Variants in CETP observed in about 807,000 individuals in gnomAD.
The protein encoded by CETP is cholesteryl ester transfer protein, also known as BPI fold containing family F.
A neutral mutation model predicts 66.5 loss-of-function variants in CETP; 56 were observed. The observed-to-expected ratio is 0.84, with a 90% CI of 0.68 to 1.05. The LOEUF (loss-of-function observed/expected upper bound fraction) is 1.05, where lower values mean the gene tolerates loss of function less well. Among genes scored for constraint, CETP ranks in the 50% least tolerant of loss-of-function variants. The pLI is 0.00. For missense variants in CETP, 612 were observed against 609.6 expected (o/e 1.00, Z -0.04); for synonymous variants, 251 against 245.7 (o/e 1.02, Z -0.20).
At chr16:56,980,931 AAG>A (rs2056182731) in intron 11 of CETP, among the ~76,000 whole-genome samples, 1 of 152,232 alleles carries the variant, frequency 6.6e-6, no homozygotes, top group Non-Finnish European at 1.5e-5. Flanking sequence ...AAAACAAAAA[AAG>A]AAAAGAAAAG....
chr16:56,973,377 C>T lies in CETP; in HGVS notation c.797C>T (p.Thr266Ile), dbSNP rs561462414. The change falls in exon 9 of 16, where the codon ACC becomes ATC. Residue 266 changes from threonine (T) to isoleucine (I), a missense_variant. Coordinates refer to ENST00000200676, the MANE Select transcript of CETP (RefSeq NM_000078.3). ...GTCTCAGAGGACCTCCCCCTCCCCA[C>T]CTTCTCGCCCACACTGCTGGGGGAC... ...KNVSEDLPLP[T>I]FSPTLLGDSR... is the part of the protein sequence containing the mutation. 1.2e-6 allele frequency: 2 copies of T among 1,614,228 alleles called. No individual in the cohort carries two copies. The highest frequency in any genetic ancestry group is 2.2e-5 in the East Asian group (1 of 44,884).
Position 56,982,230 on chromosome 16 carries a change from C to A in CETP, c.1314C>A (p.Val438=). 1 of 1,614,046 alleles carries A rather than the reference C, an allele frequency of 6.2e-7. No homozygotes were observed. Among genetic ancestry groups the A allele is most frequent in the Admixed American group, 1.7e-5 (1 of 60,020 alleles). ...SMITAVGIPE[V]MSRLEVVFTA... is the part of the protein sequence containing the mutation. ...TCACCGCTGTGGGCATCCCTGAGGT[C>A]ATGTCTCGTAAGTGTGGGCTGGAGG... Residue 438 remains valine, a synonymous_variant, in exon 14 of 16, where the codon GTC becomes GTA. Transcript: ENST00000200676.
At chr16:56,982,258 A>C (rs2056194246) in intron 14 of CETP, 21 bp downstream of exon 14, 1 of 1,612,056 alleles carries the variant, frequency 6.2e-7, no homozygotes, top group African/African-American at 1.3e-5. Flanking sequence ...GCTGGAGGGG[A>C]AACTGGGTGC....
rs1230953022 is a variant in CETP at position 56,963,028 on chromosome 16, A to G, written c.137A>G (p.Lys46Arg). The G allele has an allele frequency of 1.2e-6, 2 of 1,614,008 alleles. No individual in the cohort carries two copies. Among genetic ancestry groups the G allele is most frequent in the East Asian group, 2.2e-5 (1 of 44,900 alleles). Reference sequence around the variant, plus strand: ...CCTCTAGTGAACCACGAGACTGCCAAGGTGATCCAGACCGCCTTCCAGCGA... The same window carrying G: ...CCTCTAGTGAACCACGAGACTGCCAGGGTGATCCAGACCGCCTTCCAGCGA... ...ALLVLNHETA[K>R]VIQTAFQRAS... Residue 46 changes from lysine to arginine, a missense_variant, in exon 2 of 16, where the codon AAG becomes AGG. By Grantham distance (26) the Lys-to-Arg change is conservative. Transcript: ENST00000200676.
At chr16:56,981,567 T>A (rs2056188215) in intron 12 of CETP, 80 bp from the exon 13 acceptor site, 1 of 1,485,894 alleles carries the variant, frequency 6.7e-7, no homozygotes, top group South Asian at 1.1e-5. Context: ...CTGGCTGCTA[T>A]TCTTAGAGTT....
At chr16:56,964,698 G>A (rs2141992640) in intron 2 of CETP, among the ~76,000 whole-genome samples, 1 of 152,368 alleles carries the variant, frequency 6.6e-6, no homozygotes, top group East Asian at 1.9e-4. Flanking sequence ...ATGTTTCTGA[G>A]CCACCAGGGG....
intron 5 of CETP, 60 bp from the exon 6 acceptor site, chr16:56,970,973 A>G: frequency 6.7e-7 from 1 of 1,501,490 alleles, no homozygotes; most frequent in African/African-American, 1.4e-5. Context: ...GGTACACACT[A>G]GGCGCTCCAT....
intron 12 of CETP, 132 bp from the exon 13 acceptor site, chr16:56,981,515 C>T: frequency 2.6e-6 from 3 of 1,145,196 alleles, no homozygotes; most frequent in Non-Finnish European, 4.0e-6. Flanking sequence ...TAGCAAATCT[C>T]AAGAGAGTGC....
chr16:56,983,632 A>G lies in CETP; in HGVS notation c.1448A>G (p.His483Arg), dbSNP rs780180515. The G allele has an allele frequency of 4.3e-6, 7 of 1,614,030 alleles. No homozygotes were observed. The highest frequency in any genetic ancestry group is 5.9e-6 in the Non-Finnish European group (7 of 1,180,022). ...LLQMDFGFPE[H>R]LLVDFLQSLS ...CAGATGGACTTTGGCTTCCCTGAGC[A>G]CCTGCTGGTGGATTTCCTCCAGAGC... Residue 483 changes from histidine to arginine, a missense_variant, in exon 16 of 16, where the codon CAC (histidine) becomes CGC (arginine). Physicochemically the swap from His to Arg is conservative, Grantham distance 29. Transcript: ENST00000200676.
intron 2 of CETP, among the ~76,000 whole-genome samples, chr16:56,966,720 C>T (rs985412962): frequency 7.2e-5 from 11 of 151,944 alleles, no homozygotes; most frequent in African/African-American, 2.7e-4. Context: ...CTGCCTCAAC[C>T]TCCCGAGCAG....
Position 56,963,458 on chromosome 16 carries a change from A to T in CETP, c.233+334A>T, listed in dbSNP as rs547735279. ...ATCTCAACAAAATAAGTATTTTTTA[A>T]AAAAATGTATAAATGTTGTTTTCTT... On this transcript the variant is annotated intron_variant, in intron 2 of 15. Coordinates refer to ENST00000200676, the MANE Select transcript of CETP (RefSeq NM_000078.3). Among the ~76,000 whole-genome samples the T allele has an allele frequency of 8.2e-4, 124 of 152,142 alleles. No homozygotes were observed. In the Middle Eastern group the frequency reaches 0.014, roughly 17 times the overall value.
At chr16:56,966,550 C>T (rs1226863453) in intron 2 of CETP, among the ~76,000 whole-genome samples, 1 of 152,142 alleles carries the variant, frequency 6.6e-6, no homozygotes, top group Non-Finnish European at 1.5e-5. Flanking sequence ...CCGGCATCTC[C>T]CCTGCAGCCC....
chr16:56,975,058 G>A, intron 9 of CETP, 43 bp from the exon 10 acceptor site: 1 of 1,599,834 alleles, frequency 6.3e-7, no homozygotes, highest in Non-Finnish European at 8.6e-7. Context: ...CTGAGGAGTG[G>A]ACTTTACTCC....
rs1242689143 is a variant in CETP at position 56,974,166 on chromosome 16, A to ATAAAACAG, written c.930+658_930+659insAAACAGTA. 6.6e-5 allele frequency among the ~76,000 whole-genome samples: 10 copies of ATAAAACAG among 152,176 alleles called. No homozygotes were observed. The South Asian group carries it at 2.1e-3, about 31-fold the overall frequency. ...TCTTTCTTTTTCTGAGTATAAAACA[A>ATAAAACAG]TATAAAACAATATGAGAGGGTCTGT... On this transcript the variant is annotated intron_variant, in intron 9 of 15. Coordinates refer to ENST00000200676, the MANE Select transcript of CETP (RefSeq NM_000078.3).
At chr16:56,973,550 C>A in intron 9 of CETP, 40 bp downstream of exon 9, 3 of 1,609,494 alleles carry the variant, frequency 1.9e-6, no homozygotes, top group Non-Finnish European at 2.5e-6. Context: ...ATCCAGATGG[C>A]ATGTGGTATG....
In CETP at chr16:56,963,321, G is replaced by A. The variant is rs1864163; in HGVS notation, c.233+197G>A. ...GTGCCCTGGGGGGATTTATTGGAGT[G>A]TATCAACCTCTCCAACAGCCCCTCT... On this transcript the variant is annotated intron_variant, in intron 2 of 15. Coordinates refer to ENST00000200676, the MANE Select transcript of CETP (RefSeq NM_000078.3). Among the ~76,000 whole-genome samples the A allele has an allele frequency of 0.26, 38,910 of 151,998 alleles. 5,184 individuals carry two copies. Among genetic ancestry groups the A allele is most frequent in the Middle Eastern group, 0.35 (104 of 294 alleles).
intron 2 of CETP, among the ~76,000 whole-genome samples, chr16:56,966,140 T>C (rs1434588130): frequency 2.6e-5 from 4 of 152,210 alleles, no homozygotes; most frequent in African/African-American, 9.6e-5. Flanking sequence ...TTTAAAAGGC[T>C]AGAAGTCCAC....
intron 14 of CETP, 28 bp downstream of exon 14, chr16:56,982,265 G>A (rs778019505): frequency 1.9e-5 from 31 of 1,608,606 alleles, no homozygotes; most frequent in African/African-American, 1.3e-5. Flanking sequence ...GGGAAACTGG[G>A]TGCCGAGGCT....
rs778329648 is a variant in CETP at position 56,975,158 on chromosome 16, G to T, written c.981+7G>T. 2.5e-6 allele frequency: 4 copies of T among 1,613,782 alleles called. No homozygotes were observed. The highest frequency in any genetic ancestry group is 1.1e-5 in the South Asian group (1 of 91,080). ...CCAGGAAATCTTCCAAGAGGTAACT[G>T]CCCCCTGCCCCTGTGTGGGGTTTAT... On this transcript the variant is annotated splice_region_variant and intron_variant, in intron 10 of 15. Coordinates refer to ENST00000200676, the MANE Select transcript of CETP (RefSeq NM_000078.3).
Sources: gnomAD v4.1 joint callset for allele counts (sites outside exome capture counted in the v4.1 genomes callset) on GRCh38, gnomAD v4.1.1 for gene constraint, MANE v1.5 for transcripts, NCBI Gene and HGNC (gene_info 2026-07-23, HGNC 2026-07-21) for gene names.